Variants in SLC3A1 observed in about 807,000 individuals in gnomAD.
The protein encoded by SLC3A1 is amino acid transporter heavy chain SLC3A1.
Under a neutral mutation model 60.3 loss-of-function variants are expected in SLC3A1, and 78 were observed. The observed-to-expected ratio is 1.29, with a 90% CI of 1.08 to 1.56. SLC3A1 has a LOEUF of 1.56. SLC3A1 is among the 40% of genes most tolerant of loss of function. SLC3A1 has a pLI of 0.00. For missense variants in SLC3A1, 1,172 were observed against 858.9 expected, an observed-to-expected ratio of 1.36 and a Z score of -4.56; for synonymous variants, 392 against 307.9, an observed-to-expected ratio of 1.27 and a Z score of -2.86.
intron 3 of SLC3A1, among the ~76,000 whole-genome samples, chr2:44,282,391 A>T (rs953564895): frequency 2.0e-5 from 3 of 151,928 alleles, no homozygotes; most frequent in African/African-American, 7.3e-5. Flanking sequence ...CAAACATCGT[A>T]TCTGCCTCTA....
At chr2:44,298,104 T>G (rs777960595) in intron 4 of SLC3A1, among the ~76,000 whole-genome samples, 2 of 152,204 alleles carry the variant, frequency 1.3e-5, no homozygotes, top group Non-Finnish European at 2.9e-5. Flanking sequence ...ATGCGTGAAA[T>G]TGCTGGGTCT....
intron 4 of SLC3A1, among the ~76,000 whole-genome samples, chr2:44,286,557 A>G (rs1671617696): frequency 7.0e-6 from 1 of 141,926 alleles, no homozygotes; most frequent in Admixed American, 7.0e-5. Flanking sequence ...GGTGCCTGTG[A>G]CGGTGAGCTG....
intron 3 of SLC3A1, 64 bp downstream of exon 3, chr2:44,281,605 T>A (rs1285506262): frequency 1.9e-5 from 28 of 1,481,040 alleles, no homozygotes; most frequent in Non-Finnish European, 2.6e-5. Context: ...TTGAACTGAT[T>A]TAGTAAAACC....
At chr2:44,294,007 G>A (rs189924018) in intron 4 of SLC3A1, among the ~76,000 whole-genome samples, 70 of 152,278 alleles carry the variant, frequency 4.6e-4, no homozygotes, top group Non-Finnish European at 7.2e-4. Context: ...AAATTGGTAA[G>A]TAAATAAATA....
At chr2:44,285,686 T>C (rs776868888) in intron 3 of SLC3A1, 3 of 502,262 alleles carry the variant, frequency 6.0e-6, no homozygotes, top group African/African-American at 5.8e-5. Flanking sequence ...ATTTTGCTTC[T>C]CTTCACAAAC....
chr2:44,307,105 G>A (rs929809761), intron 7 of SLC3A1, among the ~76,000 whole-genome samples: 4 of 152,202 alleles, frequency 2.6e-5, no homozygotes, highest in African/African-American at 9.6e-5. Context: ...ATACGATATG[G>A]GACTTTTGTG....
intron 8 of SLC3A1, among the ~76,000 whole-genome samples, chr2:44,312,998 T>C (rs940724668): frequency 6.6e-6 from 1 of 152,146 alleles, no homozygotes; most frequent in Non-Finnish European, 1.5e-5. Context: ...AAAGATGTTT[T>C]CTACCTGATA....
intron 9 of SLC3A1, chr2:44,316,563 C>T (rs961286096): frequency 6.6e-6 from 1 of 152,086 alleles, no homozygotes; most frequent in Non-Finnish European, 1.5e-5. Context: ...AGGAAACATA[C>T]AAAGAAATAA....
At chr2:44,309,107 T>A (rs1672227901) in intron 7 of SLC3A1, among the ~76,000 whole-genome samples, 1 of 152,206 alleles carries the variant, frequency 6.6e-6, no homozygotes, top group South Asian at 2.1e-4. Context: ...AGTGTGTAAT[T>A]CAATGCATTA....
intron 6 of SLC3A1, among the ~76,000 whole-genome samples, chr2:44,303,651 T>C (rs1672075409): frequency 6.6e-6 from 1 of 152,100 alleles, no homozygotes; most frequent in Non-Finnish European, 1.5e-5. Context: ...TACATAGGTA[T>C]ACATGTGCCA....
chr2:44,310,987 G>C (rs909884814), intron 7 of SLC3A1, among the ~76,000 whole-genome samples: 1 of 152,020 alleles, frequency 6.6e-6, no homozygotes, highest in Non-Finnish European at 1.5e-5. Flanking sequence ...GTAGACATGG[G>C]GTCTCACCAT....
intron 4 of SLC3A1, among the ~76,000 whole-genome samples, chr2:44,289,017 TAG>T (rs1267503026): frequency 6.6e-6 from 1 of 151,660 alleles, no homozygotes; most frequent in Non-Finnish European, 1.5e-5. Context: ...GTATTTTTTG[TAG>T]AGATGGGGTT....
intron 3 of SLC3A1, among the ~76,000 whole-genome samples, chr2:44,282,387 T>A (rs1346338528): frequency 6.6e-6 from 1 of 151,970 alleles, no homozygotes; most frequent in Non-Finnish European, 1.5e-5. Context: ...ATTTCAAACA[T>A]CGTATCTGCC....
At chr2:44,311,232 TAACA>T (rs1240791090) in intron 7 of SLC3A1, among the ~76,000 whole-genome samples, 1 of 152,216 alleles carries the variant, frequency 6.6e-6, no homozygotes, top group Admixed American at 6.5e-5. Flanking sequence ...TTTTTAACTC[TAACA>T]GTTTTATTTT....
intron 4 of SLC3A1, among the ~76,000 whole-genome samples, chr2:44,298,252 A>G (rs992942151): frequency 4.6e-5 from 7 of 152,054 alleles, no homozygotes; most frequent in African/African-American, 1.7e-4. Context: ...GTTTCCCATC[A>G]CCCTCACAAA....
At chr2:44,317,930 C>A in intron 9 of SLC3A1, 1 of 246,958 alleles carries the variant, frequency 4.0e-6, no homozygotes. Flanking sequence ...ACATAAAACA[C>A]AAAGAATTAA....
chr2:44,315,881 AAAG>A (rs1558470947), intron 9 of SLC3A1, among the ~76,000 whole-genome samples: 1 of 152,128 alleles, frequency 6.6e-6, no homozygotes, highest in African/African-American at 2.4e-5. Context: ...CAAAGAAAGA[AAAG>A]AAGGAAAACA....
chr2:44,298,173 A>G (rs1262281578), intron 4 of SLC3A1, among the ~76,000 whole-genome samples: 2 of 112,942 alleles, frequency 1.8e-5, no homozygotes, highest in Non-Finnish European at 3.8e-5. Flanking sequence ...TTGATTCTTC[A>G]TACATCAGAT....
chr2:44,318,023 C>A, intron 9 of SLC3A1: 2 of 379,180 alleles, frequency 5.3e-6, no homozygotes, highest in South Asian at 3.7e-5. Context: ...ATCTTTTGAC[C>A]TAATAATTCC....
Sources: gnomAD v4.1 joint callset for allele counts (sites outside exome capture counted in the v4.1 genomes callset) on GRCh38, gnomAD v4.1.1 for gene constraint, MANE v1.5 for transcripts, NCBI Gene and HGNC (gene_info 2026-07-23, HGNC 2026-07-21) for gene names.